NCF2: variants seen among roughly 807,000 people sequenced by gnomAD.
NCF2 encodes the protein neutrophil cytosol factor 2.
Under a neutral mutation model 70.9 loss-of-function variants are expected in NCF2, and 45 were observed. The observed-to-expected ratio is 0.63, with a 90% confidence interval of 0.50 to 0.81. The LOEUF is 0.81. Ranked by LOEUF, NCF2 falls within the 40% of genes least tolerant of loss-of-function variation. The probability of loss-of-function intolerance (pLI) is 0.00; values close to 1 mark genes in which losing one functional copy is unlikely to be tolerated. For synonymous variants in NCF2, 203 were observed against 233.6 expected (o/e 0.87, Z 1.19); for missense variants, 522 against 631.6 (o/e 0.83, Z 1.86).
chr1:183,567,375 C>G (rs777953876), intron 7 of NCF2, 30 bp from the exon 8 acceptor site: 1 of 1,613,140 alleles, frequency 6.2e-7, no homozygotes, highest in Non-Finnish European at 8.5e-7. Flanking sequence ...GATCCAGCCC[C>G]CATCCCCTCA....
intron 2 of NCF2, 31 bp from the exon 3 acceptor site, chr1:183,577,738 C>A: frequency 7.0e-7 from 1 of 1,419,982 alleles, no homozygotes; most frequent in South Asian, 1.1e-5. Context: ...ATACAGCAGT[C>A]TAGTGGATGG....
Position 183,563,242 on chromosome 1 carries a change from C to A in NCF2, c.1243G>T (p.Gly415Cys), listed in dbSNP as rs1672150364. 1 of 1,614,114 alleles carries A rather than the reference C, an allele frequency of 6.2e-7. No homozygotes were observed. Among genetic ancestry groups the A allele is most frequent in the Non-Finnish European group, 8.5e-7 (1 of 1,180,016 alleles). The change falls in exon 13 of 15, where the codon GGC becomes TGC. Residue 415 changes from glycine to cysteine, a missense_variant. By Grantham distance (159) the Gly-to-Cys change is radical (BLOSUM62 -3). Transcript: ENST00000367535. Reference sequence around the variant, plus strand: ...GTCAGGCAGTAGTTTTTCACCTGGCCCCAGGCATCCTTCATGCTGTCTTCT... The same window carrying A: ...GTCAGGCAGTAGTTTTTCACCTGGCACCAGGCATCCTTCATGCTGTCTTCT... ...LSEDSMKDAW[G>C]QVKNYCLTLW...
At chr1:183,563,687 A>G in intron 11 of NCF2, 102 bp from the exon 12 acceptor site, 1 of 1,436,132 alleles carries the variant, frequency 7.0e-7, no homozygotes, top group Non-Finnish European at 9.7e-7. Flanking sequence ...GGTACCCAAT[A>G]CAGCAGGGGA....
chr1:183,592,590 G>T (rs12086699), upstream of NCF2, among the ~76,000 whole-genome samples: 15,171 of 152,168 alleles, frequency 0.1, 848 homozygotes, highest in Admixed American at 0.16. Flanking sequence ...GAAATCATTG[G>T]TAAATGACCT....
At chr1:183,593,565 G>A (rs1190167131), upstream of NCF2, among the ~76,000 whole-genome samples, 1 of 152,054 alleles carries the variant, frequency 6.6e-6, no homozygotes, top group Non-Finnish European at 1.5e-5. Flanking sequence ...CTCCGCCCAT[G>A]TAACACTCTT....
intron 2 of NCF2, 114 bp downstream of exon 2, chr1:183,586,781 C>T: frequency 1.0e-6 from 1 of 959,522 alleles, no homozygotes; most frequent in Non-Finnish European, 1.7e-6. Context: ...AAGGGCCAGT[C>T]ACATTTCCCA....
chr1:183,566,615 G>A (rs564213584), intron 9 of NCF2, among the ~76,000 whole-genome samples: 1 of 152,262 alleles, frequency 6.6e-6, no homozygotes, highest in East Asian at 1.9e-4. Context: ...GACACACTTG[G>A]GAAGACCTAA....
intron 1 of NCF2, among the ~76,000 whole-genome samples, chr1:183,588,234 T>C (rs1673465399): frequency 6.6e-6 from 1 of 152,172 alleles, no homozygotes; most frequent in South Asian, 2.1e-4. Flanking sequence ...CAGAGCACCT[T>C]GTCCAGGAGA....
In NCF2 at chr1:183,560,110, A is replaced by G; in HGVS notation, c.1454T>C (p.Leu485Pro). ...DLEFQEGDIILVLSKVNEEWL... is the reference protein window; with the variant it reads ...DLEFQEGDIIPVLSKVNEEWL... Reference sequence around the variant, plus strand: ...GTAGCACTTACCCTTTGATAACACCAGGATTATATCCCCTTCCTGAAACTC... The same window carrying G: ...GTAGCACTTACCCTTTGATAACACCGGGATTATATCCCCTTCCTGAAACTC... The change falls in exon 14 of 15, where the codon CTG becomes CCG. Residue 485 changes from leucine to proline, a missense_variant. Leu to Pro is a moderately conservative substitution (Grantham distance 98, BLOSUM62 -3). Transcript: ENST00000367535. 6.2e-7 allele frequency: 1 copy of G among 1,614,156 alleles called. No homozygotes were observed. Among genetic ancestry groups the G allele is most frequent in the African/African-American group, 1.3e-5 (1 of 75,050 alleles).
chr1:183,600,525 G>A, the NCF2 span, among the ~76,000 whole-genome samples: 4,005 of 152,220 alleles, frequency 0.026, 186 homozygotes, highest in African/African-American at 0.092. Flanking sequence ...CAGGGCTCTC[G>A]TTCTGAACTG....
the NCF2 span, among the ~76,000 whole-genome samples, chr1:183,600,352 G>A: frequency 1.3e-5 from 2 of 152,178 alleles, no homozygotes; most frequent in African/African-American, 2.4e-5. Context: ...TAACAGAAGT[G>A]CACCCAACTC....
At chr1:183,580,603 C>T (rs1047667116) in intron 2 of NCF2, among the ~76,000 whole-genome samples, 3 of 152,146 alleles carry the variant, frequency 2.0e-5, no homozygotes, top group African/African-American at 7.2e-5. Flanking sequence ...TGGATTTCAG[C>T]TGGGAAGTGA....
At chr1:183,565,834 G>T in intron 9 of NCF2, 55 bp from the exon 10 acceptor site, 1 of 1,563,782 alleles carries the variant, frequency 6.4e-7, no homozygotes, top group South Asian at 1.1e-5. Flanking sequence ...CCCAGGCAGG[G>T]GTGGATGTGG....
In NCF2 at chr1:183,568,890, A is replaced by G. The variant is rs2236385; in HGVS notation, c.713+252T>C. On this transcript the variant is annotated intron_variant, in intron 7 of 14. Coordinates refer to ENST00000367535, the MANE Select transcript of NCF2 (RefSeq NM_000433.4). ...ATGGGACACCACGTAGCTGCAGCCA[A>G]GCCCTGATGGCCAGCCCCACCACAG... 0.51 allele frequency among the ~76,000 whole-genome samples: 77,501 copies of G among 151,794 alleles called. 19,940 individuals carry two copies. Among genetic ancestry groups the G allele is most frequent in the East Asian group, 0.65 (3,325 of 5,150 alleles).
chr1:183,557,702 T>G (rs947082631), intron 14 of NCF2, among the ~76,000 whole-genome samples: 3 of 152,194 alleles, frequency 2.0e-5, no homozygotes, highest in African/African-American at 7.2e-5. Context: ...CCCAAAAGGT[T>G]GTTTTAGTGT....
At chr1:183,559,851 T>G (rs1286983221) in intron 14 of NCF2, among the ~76,000 whole-genome samples, 1 of 152,172 alleles carries the variant, frequency 6.6e-6, no homozygotes, top group East Asian at 1.9e-4. Context: ...AGAGGGGGAC[T>G]CTGTCTCAAA....
intron 2 of NCF2, among the ~76,000 whole-genome samples, chr1:183,586,533 G>A (rs1360032103): frequency 6.6e-6 from 1 of 152,178 alleles, no homozygotes; most frequent in African/African-American, 2.4e-5. Context: ...AGGTTTTGAT[G>A]CAGTTTCATG....
chr1:183,574,468 G>T lies in NCF2; in HGVS notation c.501+19C>A. On this transcript the variant is annotated intron_variant, in intron 4 of 14. Transcript: ENST00000367535. Reference sequence around the variant, plus strand: ...ATCCAGTGACATCCTCTCAACACCTGCATCACCAATACGCTTACCCAGACA... The same window carrying T: ...ATCCAGTGACATCCTCTCAACACCTTCATCACCAATACGCTTACCCAGACA... 6.2e-7 allele frequency: 1 copy of T among 1,614,058 alleles called. No homozygotes were observed. Among genetic ancestry groups the T allele is most frequent in the African/African-American group, 1.3e-5 (1 of 75,044 alleles).
chr1:183,561,636 C>G (rs987807267), intron 13 of NCF2, among the ~76,000 whole-genome samples: 2 of 143,534 alleles, frequency 1.4e-5, no homozygotes, highest in African/African-American at 5.5e-5. Flanking sequence ...TCTTTCTTTT[C>G]TTTTCTTTTT....
Sources: allele counts gnomAD v4.1 joint callset (sites outside exome capture counted in the v4.1 genomes callset), GRCh38; gene constraint gnomAD v4.1.1; transcripts MANE v1.5; gene names NCBI Gene and HGNC (gene_info 2026-07-23, HGNC 2026-07-21).